The following DNER variants were observed in gnomAD, a reference collection of about 807,000 sequenced individuals.
DNER encodes the protein delta and Notch-like epidermal growth factor-related receptor.
DNER carries 33 observed loss-of-function variants against 78.2 expected under a neutral mutation model. The observed-to-expected ratio is 0.42, with a 90% CI of 0.32 to 0.56. DNER has a LOEUF of 0.56. Ranked by LOEUF, DNER falls within the 20% of genes least tolerant of loss-of-function variation. DNER has a pLI of 0.11. For synonymous variants in DNER, 417 were observed against 384.8 expected, an observed-to-expected ratio of 1.08 and a Z score of -0.98; for missense variants, 918 against 975.3, an observed-to-expected ratio of 0.94 and a Z score of 0.78.
chr2:229,668,023 C>T (rs749769396), intron 1 of DNER, among the ~76,000 whole-genome samples: 3 of 152,182 alleles, frequency 2.0e-5, no homozygotes, highest in Non-Finnish European at 4.4e-5. Context: ...TTGTAGCATT[C>T]AGAGCTTTTG....
At chr2:229,604,810 G>A (rs896113853) in intron 1 of DNER, among the ~76,000 whole-genome samples, 1 of 152,092 alleles carries the variant, frequency 6.6e-6, no homozygotes, top group African/African-American at 2.4e-5. Flanking sequence ...CATTTATCTG[G>A]AGATAAGCCT....
intron 4 of DNER, among the ~76,000 whole-genome samples, chr2:229,571,740 C>T (rs550787416): frequency 2.6e-5 from 4 of 152,118 alleles, no homozygotes; most frequent in South Asian, 2.1e-4. Flanking sequence ...GACCTCCCCC[C>T]CTGAAACCGT....
chr2:229,698,203 T>G (rs1699689777), intron 1 of DNER, among the ~76,000 whole-genome samples: 1 of 152,014 alleles, frequency 6.6e-6, no homozygotes, highest in South Asian at 2.1e-4. Flanking sequence ...AGAGCGAGAC[T>G]CTGTGTCTCT....
chr2:229,658,662 T>C (rs13387628), intron 1 of DNER, among the ~76,000 whole-genome samples: 15 of 152,194 alleles, frequency 9.9e-5, no homozygotes, highest in African/African-American at 3.6e-4. Context: ...TGAAAGACTT[T>C]GAATAAAAGA....
chr2:229,482,480 T>C (rs1695183053), intron 6 of DNER, among the ~76,000 whole-genome samples: 1 of 152,218 alleles, frequency 6.6e-6, no homozygotes, highest in African/African-American at 2.4e-5. Flanking sequence ...GTGTGGCCCC[T>C]GCACCCTCAT....
intron 7 of DNER, among the ~76,000 whole-genome samples, chr2:229,470,492 A>AAAT (rs35509878): frequency 0.2 from 29,862 of 151,650 alleles, 3,117 homozygotes; most frequent in South Asian, 0.31. Context: ...GCTATGCAAA[A>AAAT]AATAATAATA....
intron 1 of DNER, among the ~76,000 whole-genome samples, chr2:229,696,446 T>G (rs1477639946): frequency 1.3e-5 from 2 of 152,310 alleles, no homozygotes; most frequent in Non-Finnish European, 2.9e-5. Context: ...TGGACGGCCT[T>G]GCATAATTAT....
At chr2:229,619,610 G>A (rs114343235) in intron 1 of DNER, among the ~76,000 whole-genome samples, 3,351 of 152,298 alleles carry the variant, frequency 0.022, 51 homozygotes, top group Middle Eastern at 0.034. Context: ...AGTTACAACA[G>A]AGAGGGTAAA....
intron 1 of DNER, among the ~76,000 whole-genome samples, chr2:229,600,573 A>G (rs1307686644): frequency 2.0e-5 from 3 of 152,264 alleles, no homozygotes; most frequent in African/African-American, 7.2e-5. Flanking sequence ...AAAACAACTT[A>G]AAGGACCAGA....
intron 11 of DNER, among the ~76,000 whole-genome samples, chr2:229,382,326 G>A (rs536614217): frequency 6.6e-6 from 1 of 152,094 alleles, no homozygotes; most frequent in East Asian, 1.9e-4. Context: ...GCACAAAAAG[G>A]CTAAAAATTC....
Position 229,489,126 on chromosome 2 carries a change from T to G in DNER, c.1148-11873A>C, listed in dbSNP as rs567000688. On this transcript the variant is annotated intron_variant, in intron 6 of 12. Coordinates refer to ENST00000341772, the MANE Select transcript of DNER (RefSeq NM_139072.4). Reference sequence around the variant, plus strand: ...GGGCAATCTGGCCTCCCGGCCCAGCTGGGCTTTGCGGTCAGCCAGGCCCTG... The same window carrying G: ...GGGCAATCTGGCCTCCCGGCCCAGCGGGGCTTTGCGGTCAGCCAGGCCCTG... Among the ~76,000 whole-genome samples, 3 of 152,332 alleles carry G rather than the reference T, an allele frequency of 2.0e-5. 1 individual carries two copies. The South Asian group carries it at 6.2e-4, about 32-fold the overall frequency.
intron 10 of DNER, among the ~76,000 whole-genome samples, chr2:229,388,623 A>G (rs1183067299): frequency 1.2e-5 from 1 of 82,894 alleles, no homozygotes; most frequent in African/African-American, 4.6e-5. Context: ...ATATATATAT[A>G]TATATATATA....
At chr2:229,367,402 A>G (rs1031621628) in intron 11 of DNER, among the ~76,000 whole-genome samples, 2 of 151,932 alleles carry the variant, frequency 1.3e-5, no homozygotes. Context: ...GGAGTTTGAG[A>G]CCAGCCTGGC....
Position 229,660,156 on chromosome 2 carries a change from G to A in DNER, c.276+53992C>T, listed in dbSNP as rs138668567. Among the ~76,000 whole-genome samples the A allele has an allele frequency of 9.2e-5, 14 of 152,208 alleles. No individual in the cohort carries two copies. In the East Asian group the frequency reaches 1.9e-3, roughly 21 times the overall value. On this transcript the variant is annotated intron_variant, in intron 1 of 12. Transcript: ENST00000341772. ...AATTTTTTTAAGTTCAGGAGGACAC[G>A]TGCAGGTTTGTTACATAGGTAAACT...
intron 9 of DNER, among the ~76,000 whole-genome samples, chr2:229,413,487 T>G (rs1693573489): frequency 6.6e-6 from 1 of 151,574 alleles, no homozygotes; most frequent in Admixed American, 6.6e-5. Context: ...AGCGCCTGGC[T>G]AATTTTTGTA....
chr2:229,371,529 G>T (rs866799617), intron 11 of DNER, among the ~76,000 whole-genome samples: 1 of 152,196 alleles, frequency 6.6e-6, no homozygotes, highest in Non-Finnish European at 1.5e-5. Context: ...TTTGTTTGAG[G>T]TGTTGTATTT....
chr2:229,690,038 T>C (rs1424382581), intron 1 of DNER, among the ~76,000 whole-genome samples: 1 of 152,246 alleles, frequency 6.6e-6, no homozygotes, highest in African/African-American at 2.4e-5. Flanking sequence ...TTCCTTTCTG[T>C]GGGTCACTGT....
intron 1 of DNER, among the ~76,000 whole-genome samples, chr2:229,703,379 C>T (rs1227738221): frequency 6.6e-6 from 1 of 152,034 alleles, no homozygotes; most frequent in Non-Finnish European, 1.5e-5. Flanking sequence ...TACATTGCAC[C>T]ACATAGAAAG....
chr2:229,407,019 G>A (rs1013009037), intron 10 of DNER, among the ~76,000 whole-genome samples: 4 of 152,098 alleles, frequency 2.6e-5, no homozygotes, highest in African/African-American at 7.2e-5. Context: ...AAGTCTAGAC[G>A]CCAAACAACC....
Sources: gnomAD v4.1 joint callset for allele counts (sites outside exome capture counted in the v4.1 genomes callset) on GRCh38, gnomAD v4.1.1 for gene constraint, MANE v1.5 for transcripts, NCBI Gene and HGNC (gene_info 2026-07-23, HGNC 2026-07-21) for gene names.